Variants in KCNN3 observed in about 807,000 individuals in gnomAD.
KCNN3 encodes potassium calcium-activated channel subfamily N member 3.
KCNN3 carries 16 observed loss-of-function variants against 62.9 expected under a neutral mutation model. The ratio of observed to expected loss-of-function variants is 0.25; its 90% CI spans 0.17 to 0.39. KCNN3 has a LOEUF of 0.39. KCNN3 is among the 10% of genes least tolerant of loss of function. KCNN3 has a pLI of 1.00. For missense variants in KCNN3, 599 were observed against 949.4 expected, an observed-to-expected ratio of 0.63 and a Z score of 4.85; for synonymous variants, 370 against 389.2, an observed-to-expected ratio of 0.95 and a Z score of 0.58.
At position 154,869,488 on chromosome 1, in the gene KCNN3, G is replaced by A. The variant is rs747120477; in HGVS notation, c.477C>T (p.Ser159=). 1.2e-6 allele frequency: 2 copies of A among 1,614,126 alleles called. No individual in the cohort carries two copies. Among genetic ancestry groups the A allele is most frequent in the South Asian group, 2.2e-5 (2 of 91,068 alleles). Residue 159 remains serine (S), a synonymous_variant, in exon 1 of 8, where the codon AGC becomes AGT. Transcript: ENST00000271915. This position sits in a 1 kb window ranked among gnomAD's most constrained non-coding sequence, Gnocchi z 6.1. The part of the protein sequence containing the change: ...PGGGSRHRQA[S]PLVHRRDSNP... ...TGCTGTCCCGCCGGTGCACCAGGGGGCTGGCCTGTCGGTGCCGGCTGCCTC... is the reference window on the plus strand; with the variant it reads ...TGCTGTCCCGCCGGTGCACCAGGGGACTGGCCTGTCGGTGCCGGCTGCCTC...
chr1:154,823,855 A>G (rs1304236557), intron 1 of KCNN3, among the ~76,000 whole-genome samples: 2 of 152,026 alleles, frequency 1.3e-5, no homozygotes, highest in African/African-American at 4.8e-5. Flanking sequence ...GAATGAGAGG[A>G]GGGCTTGGGA....
intron 2 of KCNN3, among the ~76,000 whole-genome samples, chr1:154,816,757 T>C (rs975210751): frequency 6.6e-5 from 10 of 152,344 alleles, no homozygotes; most frequent in Middle Eastern, 3.4e-3. Context: ...GCCTTTCCTA[T>C]ATTTGCATGC....
intron 2 of KCNN3, among the ~76,000 whole-genome samples, chr1:154,818,748 A>G (rs1650771871): frequency 6.6e-6 from 1 of 152,234 alleles, no homozygotes; most frequent in South Asian, 2.1e-4. Context: ...AAATACATTT[A>G]TGTTCCTTAT....
rs1202646555 is a variant in KCNN3, at chr1:154,858,243, T to G, written c.933+10789A>C. Among the ~76,000 whole-genome samples, 5 of 152,254 alleles carry G rather than the reference T, an allele frequency of 3.3e-5. No homozygotes were observed. The East Asian group carries it at 9.6e-4, about 29-fold the overall frequency. ...GGGCTGGGAACCATGGGCCCAGCTG[T>G]GAGGGACCTTGCATGATCCCAAGGC... is the stretch of plus-strand genomic sequence containing the variant. On this transcript the variant is annotated intron_variant, in intron 1 of 7. Transcript: ENST00000271915.
chr1:154,868,445 A>T (rs1335379440), intron 1 of KCNN3: 1 of 716,886 alleles, frequency 1.4e-6, no homozygotes, highest in East Asian at 1.3e-4. Flanking sequence ...GGAAACAGAA[A>T]CTTGGGAAGA....
At chr1:154,837,758 A>G (rs1197208826) in intron 1 of KCNN3, among the ~76,000 whole-genome samples, 1 of 152,226 alleles carries the variant, frequency 6.6e-6, no homozygotes, top group Non-Finnish European at 1.5e-5. Flanking sequence ...CACCAGCCAA[A>G]TGCACAGACA....
At chr1:154,801,518 C>A (rs1379940054) in intron 2 of KCNN3, among the ~76,000 whole-genome samples, 1 of 152,208 alleles carries the variant, frequency 6.6e-6, no homozygotes, top group Admixed American at 6.5e-5. Flanking sequence ...CGCTCCCACC[C>A]CCTGAAAGAA....
intron 5 of KCNN3, among the ~76,000 whole-genome samples, chr1:154,716,595 T>C (rs1021877991): frequency 2.0e-5 from 3 of 152,268 alleles, no homozygotes; most frequent in Admixed American, 1.3e-4. Context: ...GCTGAAGTGA[T>C]GTTTTTAAAA....
intron 3 of KCNN3, among the ~76,000 whole-genome samples, chr1:154,740,619 A>C (rs889384262): frequency 6.6e-6 from 1 of 152,252 alleles, no homozygotes; most frequent in African/African-American, 2.4e-5. Context: ...GAGGTGGATA[A>C]GAGTTCCTGT....
At chr1:154,754,083 A>G (rs1420370754) in intron 3 of KCNN3, among the ~76,000 whole-genome samples, 4 of 152,178 alleles carry the variant, frequency 2.6e-5, no homozygotes, top group African/African-American at 9.7e-5. Flanking sequence ...ACTAAAATTG[A>G]ACCAAACCGG....
chr1:154,773,443 G>C (rs966108996), intron 2 of KCNN3, among the ~76,000 whole-genome samples: 9 of 152,198 alleles, frequency 5.9e-5, no homozygotes, highest in African/African-American at 2.2e-4. Flanking sequence ...GGCGTCCTGG[G>C]AATCCCTGAT....
chr1:154,859,613 C>A, intron 1 of KCNN3: 2 of 1,391,270 alleles, frequency 1.4e-6, no homozygotes, highest in Non-Finnish European at 2.0e-6. Context: ...GACAGGTCAG[C>A]AAGGTTCAAT....
chr1:154,748,833 G>A (rs992853577), intron 3 of KCNN3, among the ~76,000 whole-genome samples: 9 of 152,180 alleles, frequency 5.9e-5, no homozygotes, highest in African/African-American at 2.2e-4. Flanking sequence ...ATGGTGGTAC[G>A]TGTCTATAGT....
intron 2 of KCNN3, among the ~76,000 whole-genome samples, chr1:154,797,084 C>T (rs563057556): frequency 2.6e-5 from 4 of 152,244 alleles, no homozygotes; most frequent in East Asian, 1.9e-4. Flanking sequence ...AGCCAGTCTC[C>T]GAAGGAGAGG....
chr1:154,846,015 C>T (rs1312315472), intron 1 of KCNN3, among the ~76,000 whole-genome samples: 1 of 152,146 alleles, frequency 6.6e-6, no homozygotes, highest in African/African-American at 2.4e-5. Context: ...AGATGGCAAG[C>T]AGCCTGCCGG....
intron 2 of KCNN3, among the ~76,000 whole-genome samples, chr1:154,790,433 C>G (rs12048829): frequency 0.11 from 16,205 of 152,270 alleles, 918 homozygotes; most frequent in East Asian, 0.23. Context: ...CTTGTGTGCT[C>G]AGAACACTTA....
chr1:154,710,101 C>T (rs897455368), intron 7 of KCNN3, among the ~76,000 whole-genome samples: 1 of 152,156 alleles, frequency 6.6e-6, no homozygotes, highest in Non-Finnish European at 1.5e-5. Flanking sequence ...TTGAAGCAAT[C>T]GGGGAAAGAC....
chr1:154,776,055 C>T (rs990210451), intron 2 of KCNN3, among the ~76,000 whole-genome samples: 4 of 152,186 alleles, frequency 2.6e-5, no homozygotes, highest in African/African-American at 7.2e-5. Flanking sequence ...CTCTGCCCAG[C>T]GAGACGGGAG....
In KCNN3 at chr1:154,707,608, C is replaced by G; in HGVS notation, c.*368G>C. 5.4e-6 allele frequency: 1 copy of G among 186,242 alleles called. No homozygotes were observed. The highest frequency in any genetic ancestry group is 1.5e-4 in the East Asian group (1 of 6,596). The allele number at this position is 186,242 out of a possible 1,614,324, so 11.5% of individuals were successfully genotyped here. ...GACACAACCCTCCCTCCCAGCGGAC[C>G]CCTCTTCTGGACTGGCTTCGCTGTT... On this transcript the variant is annotated 3_prime_UTR_variant, in exon 8 of 8. Coordinates refer to ENST00000271915, the MANE Select transcript of KCNN3 (RefSeq NM_002249.6).
Sources: allele counts gnomAD v4.1 joint callset (sites outside exome capture counted in the v4.1 genomes callset), GRCh38; gene constraint gnomAD v4.1.1; non-coding constraint Gnocchi (gnomAD v3.1); transcripts MANE v1.5; gene names NCBI Gene and HGNC (gene_info 2026-07-23, HGNC 2026-07-21).